Variants in FAT3 observed in about 807,000 individuals in gnomAD.
FAT3 encodes protocadherin Fat 3.
In FAT3, 95 loss-of-function variants were observed where a neutral mutation model predicts 310.2. That is an observed-to-expected ratio of 0.31 (90% CI 0.26 to 0.36). FAT3 has a LOEUF of 0.36. Ranked by LOEUF, FAT3 falls within the 10% of genes least tolerant of loss-of-function variation. FAT3 has a pLI of 1.00. For synonymous variants in FAT3, 2,314 were observed against 2,192.9 expected (o/e 1.06, Z -1.54); for missense variants, 5,408 against 5,715.6 (o/e 0.95, Z 1.74).
Position 92,645,232 on chromosome 11 carries a change from G to A in FAT3, c.3608-52152G>A, listed in dbSNP as rs571662018. Among the ~76,000 whole-genome samples the A allele has an allele frequency of 4.6e-5, 7 of 152,238 alleles. No homozygotes were observed. The South Asian group carries it at 1.5e-3, about 32-fold the overall frequency. Reference sequence around the variant, plus strand: ...ATTACCCAGTTTGAGTTTTGTAGAAGGCTAATTAGATCCCCAAAGCATTTG... The same window carrying A: ...ATTACCCAGTTTGAGTTTTGTAGAAAGCTAATTAGATCCCCAAAGCATTTG... On this transcript the variant is annotated intron_variant, in intron 3 of 27. Coordinates refer to ENST00000525166, the MANE Select transcript of FAT3 (RefSeq NM_001367949.2).
intron 2 of FAT3, among the ~76,000 whole-genome samples, chr11:92,405,162 A>G (rs1423812604): frequency 6.6e-6 from 1 of 151,640 alleles, no homozygotes; most frequent in Non-Finnish European, 1.5e-5. Context: ...CCTCATGACC[A>G]TTTTCTCCCA....
At chr11:92,254,034 A>G (rs1028612530) in intron 1 of FAT3, among the ~76,000 whole-genome samples, 3 of 152,192 alleles carry the variant, frequency 2.0e-5, no homozygotes, top group Non-Finnish European at 2.9e-5. Context: ...AGAAGCTCCA[A>G]ATTCAAAGCA....
intron 9 of FAT3, among the ~76,000 whole-genome samples, chr11:92,793,692 C>T (rs1017288421): frequency 6.6e-6 from 1 of 152,148 alleles, no homozygotes; most frequent in Non-Finnish European, 1.5e-5. Flanking sequence ...CCTTTATCTG[C>T]TCTATGTTCT....
At chr11:92,284,081 G>C (rs1336164421) in intron 1 of FAT3, among the ~76,000 whole-genome samples, 1 of 152,020 alleles carries the variant, frequency 6.6e-6, no homozygotes, top group Non-Finnish European at 1.5e-5. Flanking sequence ...GCACAGCATA[G>C]GATAAGCCTC....
At chr11:92,420,132 G>A (rs1429856730) in intron 2 of FAT3, among the ~76,000 whole-genome samples, 1 of 152,044 alleles carries the variant, frequency 6.6e-6, no homozygotes, top group East Asian at 1.9e-4. Context: ...GTCATTCAAG[G>A]GCAGAGTCTA....
chr11:92,807,918 T>A (rs1333872588), intron 12 of FAT3, among the ~76,000 whole-genome samples: 4 of 152,212 alleles, frequency 2.6e-5, no homozygotes, highest in Admixed American at 2.6e-4. Flanking sequence ...AAAGATTGGC[T>A]GGCTTGCATA....
intron 3 of FAT3, among the ~76,000 whole-genome samples, chr11:92,652,971 T>G (rs1391307105): frequency 1.3e-5 from 2 of 152,152 alleles, no homozygotes; most frequent in Admixed American, 6.5e-5. Flanking sequence ...GAGACCAGAC[T>G]GGCCAACATG....
intron 4 of FAT3, among the ~76,000 whole-genome samples, chr11:92,721,622 G>A (rs1450379349): frequency 1.3e-5 from 2 of 152,060 alleles, no homozygotes; most frequent in African/African-American, 4.8e-5. Flanking sequence ...TGTGGCTGTG[G>A]GTGCATCTTA....
intron 1 of FAT3, among the ~76,000 whole-genome samples, chr11:92,265,547 G>T (rs145179272): frequency 3.9e-5 from 6 of 151,990 alleles, no homozygotes; most frequent in African/African-American, 1.4e-4. Flanking sequence ...AGAATCTGGG[G>T]GATTACTAAG....
chr11:92,280,484 T>C (rs923440211), intron 1 of FAT3, among the ~76,000 whole-genome samples: 4 of 152,246 alleles, frequency 2.6e-5, no homozygotes, highest in African/African-American at 7.2e-5. Flanking sequence ...TGTGCATTAC[T>C]GCTGTCCTGC....
chr11:92,244,488 G>T (rs1333215415), intron 1 of FAT3, among the ~76,000 whole-genome samples: 1 of 152,108 alleles, frequency 6.6e-6, no homozygotes, highest in Admixed American at 6.6e-5. Flanking sequence ...AAAAGAGCTT[G>T]CAGGTAGAAA....
intron 22 of FAT3, among the ~76,000 whole-genome samples, chr11:92,868,643 A>C (rs1949306803): frequency 6.6e-6 from 1 of 152,222 alleles, no homozygotes; most frequent in South Asian, 2.1e-4. Context: ...ATAGCCACAA[A>C]TTGTAACATA....
intron 6 of FAT3, among the ~76,000 whole-genome samples, chr11:92,771,814 C>T (rs369451724): frequency 6.7e-6 from 1 of 148,394 alleles, no homozygotes; most frequent in African/African-American, 2.5e-5. Context: ...ATATGAAAAA[C>T]GACTAAGAAA....
intron 1 of FAT3, among the ~76,000 whole-genome samples, chr11:92,253,161 T>C (rs1002689872): frequency 2.0e-5 from 3 of 151,972 alleles, no homozygotes; most frequent in East Asian, 1.9e-4. Flanking sequence ...GCAGTATGCC[T>C]TTTCTTTCCT....
chr11:92,623,898 G>A (rs923859202), intron 3 of FAT3, among the ~76,000 whole-genome samples: 1 of 151,992 alleles, frequency 6.6e-6, no homozygotes, highest in South Asian at 2.1e-4. Flanking sequence ...AGCTGAGATC[G>A]CACCACTGCA....
chr11:92,611,507 A>G (rs1940561370), intron 3 of FAT3, among the ~76,000 whole-genome samples: 1 of 152,138 alleles, frequency 6.6e-6, no homozygotes, highest in South Asian at 2.1e-4. Flanking sequence ...TCCCGGGTTC[A>G]AGCGATTCTT....
intron 4 of FAT3, among the ~76,000 whole-genome samples, chr11:92,744,863 C>A (rs1214147252): frequency 2.0e-5 from 3 of 152,138 alleles, no homozygotes; most frequent in African/African-American, 7.2e-5. Flanking sequence ...AGCCTAATTT[C>A]TGTAAATTGA....
At chr11:92,540,314 G>A (rs112495002) in intron 3 of FAT3, among the ~76,000 whole-genome samples, 282 of 152,214 alleles carry the variant, frequency 1.9e-3, no homozygotes, top group African/African-American at 6.4e-3. Context: ...GTACCTCCAC[G>A]TCAGTAGCCA....
chr11:92,896,053 T>C lies in FAT3; in HGVS notation c.*4940T>C, dbSNP rs1344705447. On this transcript the variant is annotated 3_prime_UTR_variant, in exon 28 of 28. Transcript: ENST00000525166. ...TCTCTGTTTTCAAGAAAAATTGTCTTTATTGACATTTGTAAAAAAGAATGT... is the reference window on the plus strand; with the variant it reads ...TCTCTGTTTTCAAGAAAAATTGTCTCTATTGACATTTGTAAAAAAGAATGT... The C allele has an allele frequency of 6.6e-6, 1 of 152,198 alleles. No individual in the cohort carries two copies. The highest frequency in any genetic ancestry group is 1.5e-5 in the Non-Finnish European group (1 of 68,034). 9.4% of individuals were successfully genotyped at this position (152,198 alleles called of 1,614,324 possible). A position where few individuals can be genotyped will look rare whatever the true frequency, so the allele number is the denominator to read the frequency against.
Sources: allele counts gnomAD v4.1 joint callset (sites outside exome capture counted in the v4.1 genomes callset), GRCh38; gene constraint gnomAD v4.1.1; transcripts MANE v1.5; gene names NCBI Gene and HGNC (gene_info 2026-07-23, HGNC 2026-07-21).